LINGO2: variants seen among roughly 807,000 people sequenced by gnomAD.
LINGO2 encodes leucine-rich repeat and immunoglobulin-like domain-containing nogo receptor-interacting protein 2.
In LINGO2, 14 loss-of-function variants were observed where a neutral mutation model predicts 30.6. The observed-to-expected ratio is 0.46, with a 90% CI of 0.30 to 0.72. LINGO2 has a LOEUF of 0.72. Among genes scored for constraint, LINGO2 ranks in the 30% least tolerant of loss-of-function variants. The pLI, the probability that LINGO2 is intolerant of heterozygous loss-of-function variation, is 0.07. For missense variants in LINGO2, 729 were observed against 751.7 expected (o/e 0.97, Z 0.35); for synonymous variants, 317 against 288.5 (o/e 1.10, Z -1.00).
chr9:28,242,761 T>C (rs1160389404), intron 4 of LINGO2, among the ~76,000 whole-genome samples: 1 of 152,138 alleles, frequency 6.6e-6, no homozygotes, highest in Non-Finnish European at 1.5e-5. Context: ...CCCATCAGAT[T>C]AACAGCAGAC....
chr9:27,968,927 T>A (rs562930952), intron 5 of LINGO2, among the ~76,000 whole-genome samples: 3 of 151,584 alleles, frequency 2.0e-5, no homozygotes, highest in African/African-American at 7.3e-5. Flanking sequence ...AAATTACATA[T>A]AGGAGAGGTA....
intron 1 of LINGO2, among the ~76,000 whole-genome samples, chr9:28,632,868 ATATATATATAT>A (rs1827053622): frequency 1.0e-4 from 11 of 108,290 alleles, no homozygotes; most frequent in Non-Finnish European, 1.8e-4. Context: ...ATATATATAT[ATATATATATAT>A]GTAGAGAGAG....
chr9:28,088,489 C>T (rs1258673533), intron 4 of LINGO2, among the ~76,000 whole-genome samples: 1 of 151,988 alleles, frequency 6.6e-6, no homozygotes, highest in East Asian at 1.9e-4. Context: ...GGTTTTCTTC[C>T]CTCATCCCTC....
At chr9:28,043,824 G>T (rs1824298877) in intron 4 of LINGO2, among the ~76,000 whole-genome samples, 1 of 152,052 alleles carries the variant, frequency 6.6e-6, no homozygotes, top group African/African-American at 2.4e-5. Context: ...CTATTTAAAA[G>T]CCTGATAGCT....
At chr9:29,091,604 T>C in the LINGO2 span, among the ~76,000 whole-genome samples, 18 of 151,994 alleles carry the variant, frequency 1.2e-4, no homozygotes, top group Non-Finnish European at 2.6e-4. Flanking sequence ...TTGCAGTTCA[T>C]GAAGTGAAGA....
intron 4 of LINGO2, among the ~76,000 whole-genome samples, chr9:28,158,386 T>C (rs963633208): frequency 5.3e-5 from 8 of 152,126 alleles, no homozygotes; most frequent in African/African-American, 1.9e-4. Flanking sequence ...CCATATCAAG[T>C]GCCAATAAAG....
intron 1 of LINGO2, among the ~76,000 whole-genome samples, chr9:28,505,740 C>T (rs952541305): frequency 1.3e-5 from 2 of 151,782 alleles, no homozygotes; most frequent in Non-Finnish European, 2.9e-5. Context: ...ACCCTAATTC[C>T]GAGGCTATCA....
the LINGO2 span, among the ~76,000 whole-genome samples, chr9:29,085,565 C>G: frequency 2.6e-5 from 4 of 152,084 alleles, no homozygotes; most frequent in African/African-American, 7.2e-5. Context: ...GAATGAAAGA[C>G]TGAAGCAGAA....
At chr9:28,849,974 A>C in the LINGO2 span, among the ~76,000 whole-genome samples, 2 of 152,056 alleles carry the variant, frequency 1.3e-5, no homozygotes, top group African/African-American at 4.8e-5. Flanking sequence ...CCCAGAACCT[A>C]GCACATTCTT....
chr9:28,514,531 G>A (rs1357030856), intron 1 of LINGO2, among the ~76,000 whole-genome samples: 1 of 152,130 alleles, frequency 6.6e-6, no homozygotes, highest in Non-Finnish European at 1.5e-5. Flanking sequence ...GATCAAACCA[G>A]CTACAACATT....
the LINGO2 span, among the ~76,000 whole-genome samples, chr9:29,174,291 A>G: frequency 3.3e-4 from 50 of 152,162 alleles, no homozygotes; most frequent in African/African-American, 1.2e-3. Context: ...TATACTCCCT[A>G]AGGCACAGAT....
chr9:29,005,803 T>A, the LINGO2 span, among the ~76,000 whole-genome samples: 2 of 152,074 alleles, frequency 1.3e-5, no homozygotes, highest in Non-Finnish European at 2.9e-5. Flanking sequence ...ATTGGTCTTG[T>A]GCTGTTCAAA....
the LINGO2 span, among the ~76,000 whole-genome samples, chr9:28,730,367 G>A: frequency 6.6e-6 from 1 of 152,164 alleles, no homozygotes; most frequent in South Asian, 2.1e-4. Context: ...TCTGGGACGA[G>A]AGTTGGGCAA....
chr9:28,553,794 G>C lies in LINGO2; in HGVS notation c.-364-77769C>G, dbSNP rs1198015126. On this transcript the variant is annotated intron_variant, in intron 1 of 5. Coordinates refer to ENST00000379992, the Ensembl canonical transcript of LINGO2. Reference sequence around the variant, plus strand: ...AGGGAAGCCCATCAGACTAACAGCGGATCTCTCGGCAGAAACCCTACAAGC... The same window carrying C: ...AGGGAAGCCCATCAGACTAACAGCGCATCTCTCGGCAGAAACCCTACAAGC... Among the ~76,000 whole-genome samples, 3 of 152,102 alleles carry C rather than the reference G, an allele frequency of 2.0e-5. No individual in the cohort carries two copies. In the East Asian group the frequency reaches 5.8e-4, roughly 29 times the overall value.
chr9:28,210,999 C>T (rs1282462940), intron 4 of LINGO2, among the ~76,000 whole-genome samples: 1 of 151,374 alleles, frequency 6.6e-6, no homozygotes, highest in Non-Finnish European at 1.5e-5. Flanking sequence ...GATTCCTCCC[C>T]AAGCATTTGC....
At chr9:28,156,630 C>T (rs1197445366) in intron 4 of LINGO2, among the ~76,000 whole-genome samples, 3 of 152,226 alleles carry the variant, frequency 2.0e-5, no homozygotes, top group Non-Finnish European at 2.9e-5. Context: ...CAAAAGTCCA[C>T]AGTCAAAAGT....
chr9:29,099,925 G>A, the LINGO2 span, among the ~76,000 whole-genome samples: 1 of 152,082 alleles, frequency 6.6e-6, no homozygotes, highest in Non-Finnish European at 1.5e-5. Flanking sequence ...AGAGAAATCT[G>A]CACTCCCATA....
chr9:28,789,507 A>G, the LINGO2 span, among the ~76,000 whole-genome samples: 22 of 152,194 alleles, frequency 1.4e-4, no homozygotes, highest in African/African-American at 5.1e-4. Flanking sequence ...AAGACAGCCC[A>G]AAGACCCCAT....
At chr9:28,810,948 A>C in the LINGO2 span, among the ~76,000 whole-genome samples, 12 of 151,974 alleles carry the variant, frequency 7.9e-5, no homozygotes, top group Admixed American at 7.9e-4. Flanking sequence ...AGGTGACTTC[A>C]TTTCATCCCA....
Sources: allele counts gnomAD v4.1 joint callset (sites outside exome capture counted in the v4.1 genomes callset), GRCh38; gene constraint gnomAD v4.1.1; transcripts MANE v1.5; gene names NCBI Gene and HGNC (gene_info 2026-07-23, HGNC 2026-07-21).